The following HIVEP1 variants were observed in gnomAD, a reference collection of about 807,000 sequenced individuals.
HIVEP1 encodes HIVEP zinc finger 1.
A neutral mutation model predicts 180.0 loss-of-function variants in HIVEP1; 36 were observed. The observed-to-expected ratio is 0.20, with a 90% CI of 0.15 to 0.26. The LOEUF is 0.26. HIVEP1 is among the 10% of genes least tolerant of loss of function. HIVEP1 has a pLI of 1.00. For missense variants in HIVEP1, 3,143 were observed against 3,268.7 expected (o/e 0.96, Z 0.94); for synonymous variants, 1,239 against 1,239.0 (o/e 1.00, Z 0.00).
Position 12,123,889 on chromosome 6 carries a change from G to T in HIVEP1, c.4094G>T (p.Arg1365Leu), listed in dbSNP as rs376295702. 1.9e-6 allele frequency: 3 copies of T among 1,614,096 alleles called. No homozygotes were observed. The highest frequency in any genetic ancestry group is 2.5e-6 in the Non-Finnish European group (3 of 1,179,968). Residue 1365 changes from arginine (R) to leucine (L), a missense_variant, in exon 4 of 9, where the codon CGT (arginine) becomes CTT (leucine). Arg to Leu is a moderately radical substitution (Grantham distance 102). This residue lies in a region of HIVEP1 where 1,357 missense variants were observed against 1,260.5 expected (regional missense o/e 1.08). Coordinates refer to ENST00000379388, the MANE Select transcript of HIVEP1 (RefSeq NM_002114.4). The part of the protein sequence containing the change: ...NVPGCHREMR[R>L]TASEQINCTQ... ...CCTGGATGTCACCGGGAAATGAGGC[G>T]TACTGCATCAGAACAGATTAATTGC...
At chr6:12,179,290 A>C in the HIVEP1 span, among the ~76,000 whole-genome samples, 1 of 152,194 alleles carries the variant, frequency 6.6e-6, no homozygotes, top group African/African-American at 2.4e-5. Context: ...ATAATGGAGC[A>C]GGTGGCTTAG....
intron 3 of HIVEP1, among the ~76,000 whole-genome samples, chr6:12,107,564 CA>C (rs1774515299): frequency 6.6e-6 from 1 of 152,160 alleles, no homozygotes. Flanking sequence ...CATGTGTCCA[CA>C]GTTTGTTCCT....
intron 2 of HIVEP1, among the ~76,000 whole-genome samples, chr6:12,075,507 T>C (rs767941758): frequency 1.1e-4 from 16 of 152,182 alleles, no homozygotes; most frequent in Non-Finnish European, 2.9e-5. Flanking sequence ...TCACATGTCA[T>C]TTCTTGTTTA....
At chr6:12,210,135 A>C in the HIVEP1 span, among the ~76,000 whole-genome samples, 1 of 152,120 alleles carries the variant, frequency 6.6e-6, no homozygotes, top group Non-Finnish European at 1.5e-5. Context: ...TTTATGGTAC[A>C]TGTGAACTAG....
chr6:12,127,129 G>T (rs1451734446), intron 4 of HIVEP1, among the ~76,000 whole-genome samples: 1 of 151,908 alleles, frequency 6.6e-6, no homozygotes, highest in Non-Finnish European at 1.5e-5. Flanking sequence ...CCAAAGTGCT[G>T]GGATTACAGG....
At chr6:12,204,743 A>G in the HIVEP1 span, among the ~76,000 whole-genome samples, 1 of 152,096 alleles carries the variant, frequency 6.6e-6, no homozygotes, top group Admixed American at 6.5e-5. Flanking sequence ...ACACACAAAG[A>G]CTCCTGAAGC....
intron 2 of HIVEP1, among the ~76,000 whole-genome samples, chr6:12,067,731 C>A (rs1372288999): frequency 6.6e-6 from 1 of 152,064 alleles, no homozygotes; most frequent in Non-Finnish European, 1.5e-5. Context: ...CCATGCACTC[C>A]ATGGTCTGGT....
At chr6:12,016,809 C>T (rs1254677736) in intron 2 of HIVEP1, among the ~76,000 whole-genome samples, 2 of 152,194 alleles carry the variant, frequency 1.3e-5, no homozygotes, top group Non-Finnish European at 2.9e-5. Flanking sequence ...CCGTCCCCCT[C>T]ACTAGAATCT....
chr6:12,073,233 G>C (rs895495534), intron 2 of HIVEP1, among the ~76,000 whole-genome samples: 5 of 152,104 alleles, frequency 3.3e-5, no homozygotes, highest in Non-Finnish European at 7.4e-5. Context: ...CTCTATCCCT[G>C]GCAGGACTTG....
chr6:12,015,809 C>A, intron 2 of HIVEP1, 141 bp downstream of exon 2: 1 of 680,970 alleles, frequency 1.5e-6, no homozygotes, highest in Non-Finnish European at 2.6e-6. Context: ...TTCCAGCAGT[C>A]CTGCACAATT....
intron 2 of HIVEP1, among the ~76,000 whole-genome samples, chr6:12,016,842 C>T (rs1390635221): frequency 1.3e-5 from 2 of 152,318 alleles, no homozygotes; most frequent in South Asian, 2.1e-4. Flanking sequence ...GACTCACTCT[C>T]ATTTGTTACT....
At position 12,163,144 on chromosome 6, in the gene HIVEP1, A is replaced by G. The variant is rs544513546; in HGVS notation, c.6979-139A>G. 110 of 721,558 alleles carry G rather than the reference A, an allele frequency of 1.5e-4. No homozygotes were observed. In the African/African-American group the frequency reaches 1.8e-3, roughly 12 times the overall value. The allele number at this position is 721,558 out of a possible 1,614,324, so 44.7% of individuals were successfully genotyped here. ...TTTTTAAAAATCGAAAAATAATTTC[A>G]TTGCAGCAAACATCATTTTTATCAA... On this transcript the variant is annotated intron_variant, in intron 8 of 8. Transcript: ENST00000379388.
At chr6:12,068,335 C>T (rs957651217) in intron 2 of HIVEP1, among the ~76,000 whole-genome samples, 11 of 152,074 alleles carry the variant, frequency 7.2e-5, no homozygotes, top group African/African-American at 2.7e-4. Flanking sequence ...GGTGATCCGC[C>T]CACCTTGGCT....
chr6:12,049,230 A>G (rs1770333939), intron 2 of HIVEP1, among the ~76,000 whole-genome samples: 1 of 152,164 alleles, frequency 6.6e-6, no homozygotes, highest in Non-Finnish European at 1.5e-5. Context: ...GAGATTAATG[A>G]CATTTCTTAT....
chr6:12,183,766 T>C, the HIVEP1 span, among the ~76,000 whole-genome samples: 7 of 152,284 alleles, frequency 4.6e-5, no homozygotes, highest in African/African-American at 1.7e-4. Flanking sequence ...CCAAATTAAC[T>C]ATATCGTAAT....
the HIVEP1 span, among the ~76,000 whole-genome samples, chr6:12,184,022 T>C: frequency 0.082 from 8,328 of 100,988 alleles, 320 homozygotes; most frequent in Non-Finnish European, 0.12. Flanking sequence ...GATAGATAGA[T>C]AGACAGACAG....
chr6:12,183,954 C>T, the HIVEP1 span, among the ~76,000 whole-genome samples: 2 of 149,314 alleles, frequency 1.3e-5, no homozygotes, highest in Non-Finnish European at 3.0e-5. Flanking sequence ...GGCAGGGATT[C>T]CAGGCCAAAT....
At chr6:12,158,678 T>C (rs916383519) in intron 7 of HIVEP1, among the ~76,000 whole-genome samples, 3 of 152,146 alleles carry the variant, frequency 2.0e-5, no homozygotes, top group Non-Finnish European at 4.4e-5. Flanking sequence ...TGTGGGAGTT[T>C]CTGTGTAATC....
At chr6:12,157,204 A>T (rs1760112765) in intron 7 of HIVEP1, among the ~76,000 whole-genome samples, 1 of 152,172 alleles carries the variant, frequency 6.6e-6, no homozygotes, top group African/African-American at 2.4e-5. Flanking sequence ...TCTTTATATC[A>T]ATATTTAAAA....
Sources: gnomAD v4.1 joint callset for allele counts (sites outside exome capture counted in the v4.1 genomes callset) on GRCh38, gnomAD v4.1.1 for gene constraint, gnomAD v4.1.1 regional missense constraint, MANE v1.5 for transcripts, NCBI Gene and HGNC (gene_info 2026-07-23, HGNC 2026-07-21) for gene names.